Variants in CSMD1 observed in about 807,000 individuals in gnomAD.
CSMD1 encodes the protein CUB and sushi domain-containing protein 1.
In CSMD1, 213 loss-of-function variants were observed where a neutral mutation model predicts 417.5. The ratio of observed to expected loss-of-function variants is 0.51; its 90% CI spans 0.46 to 0.57. CSMD1 has a LOEUF of 0.57. CSMD1 is among the 20% of genes least tolerant of loss of function. The pLI is 0.00. For missense variants in CSMD1, 6,923 were observed against 4,529.7 expected, an observed-to-expected ratio of 1.53 and a Z score of -15.17; for synonymous variants, 2,862 against 1,736.8, an observed-to-expected ratio of 1.65 and a Z score of -16.11.
chr8:4,214,192 C>T (rs548489599), intron 3 of CSMD1, among the ~76,000 whole-genome samples: 21 of 152,108 alleles, frequency 1.4e-4, no homozygotes, highest in Admixed American at 2.6e-4. Flanking sequence ...ACATAGGATA[C>T]GGCTCAATAG....
chr8:2,968,052 T>A (rs1434371075), intron 57 of CSMD1, among the ~76,000 whole-genome samples: 1 of 152,234 alleles, frequency 6.6e-6, no homozygotes, highest in Non-Finnish European at 1.5e-5. Flanking sequence ...GTTTCCTGGT[T>A]GGCATATGAG....
intron 5 of CSMD1, among the ~76,000 whole-genome samples, chr8:3,774,636 G>C (rs1584978703): frequency 6.6e-6 from 1 of 152,022 alleles, no homozygotes; most frequent in African/African-American, 2.4e-5. Flanking sequence ...TATCTTTGTT[G>C]AACTGTGGAC....
intron 26 of CSMD1, among the ~76,000 whole-genome samples, chr8:3,257,210 G>C (rs1307274023): frequency 6.6e-6 from 1 of 152,134 alleles, no homozygotes; most frequent in Non-Finnish European, 1.5e-5. Context: ...TGTAATCCCA[G>C]CTACTCAGGA....
chr8:4,852,034 C>A (rs555792468), intron 1 of CSMD1, among the ~76,000 whole-genome samples: 1 of 152,154 alleles, frequency 6.6e-6, no homozygotes, highest in Admixed American at 6.6e-5. Context: ...ACCTGTAATA[C>A]CTCCTCAGCA....
At chr8:3,894,861 T>G (rs1807248773) in intron 5 of CSMD1, among the ~76,000 whole-genome samples, 1 of 152,206 alleles carries the variant, frequency 6.6e-6, no homozygotes, top group African/African-American at 2.4e-5. Flanking sequence ...AAAGGAACAT[T>G]ATTTTCACAC....
chr8:4,242,228 TAAGAA>T (rs1390831324), intron 3 of CSMD1, among the ~76,000 whole-genome samples: 1 of 152,162 alleles, frequency 6.6e-6, no homozygotes, highest in African/African-American at 2.4e-5. Flanking sequence ...GGAAATTAGA[TAAGAA>T]ATTTGCCAAT....
intron 5 of CSMD1, among the ~76,000 whole-genome samples, chr8:3,849,721 T>G (rs867564129): frequency 1.3e-5 from 2 of 152,186 alleles, no homozygotes; most frequent in South Asian, 4.1e-4. Flanking sequence ...AAACACAGGG[T>G]GTAAACTCAA....
intron 5 of CSMD1, among the ~76,000 whole-genome samples, chr8:3,839,462 ATATATTATATAAT>A (rs1356626328): frequency 8.0e-6 from 1 of 124,456 alleles, no homozygotes; most frequent in African/African-American, 3.1e-5. Context: ...ATAATATATT[ATATATTATATAAT>A]TATATTATAT....
At chr8:4,797,201 C>T (rs146504344) in intron 1 of CSMD1, among the ~76,000 whole-genome samples, 3 of 152,298 alleles carry the variant, frequency 2.0e-5, no homozygotes, top group South Asian at 4.1e-4. Flanking sequence ...GAAGCCCACA[C>T]AGTAAGGACA....
At chr8:3,850,004 G>A (rs1396325520) in intron 5 of CSMD1, among the ~76,000 whole-genome samples, 1 of 91,958 alleles carries the variant, frequency 1.1e-5, no homozygotes, top group Non-Finnish European at 2.0e-5. Context: ...TTAGTTTCAC[G>A]ATGTTGGTCT....
At position 4,326,690 on chromosome 8, in the gene CSMD1, G is replaced by C. The variant is rs535520260; in HGVS notation, c.415+93263C>G. 1.2e-4 allele frequency among the ~76,000 whole-genome samples: 19 copies of C among 152,250 alleles called. 1 individual carries two copies. Among genetic ancestry groups the C allele is most frequent in the African/African-American group, 3.4e-4 (14 of 41,568 alleles). On this transcript the variant is annotated intron_variant, in intron 3 of 69. Coordinates refer to ENST00000635120, the MANE Select transcript of CSMD1 (RefSeq NM_033225.6). ...ACCAAAGGAAAAGGTCTGGACTCAA[G>C]AACATGAAACATTCCGTTTGGGTAA...
intron 52 of CSMD1, among the ~76,000 whole-genome samples, chr8:3,012,224 GTTC>G (rs1296676691): frequency 6.6e-6 from 1 of 152,144 alleles, no homozygotes; most frequent in Admixed American, 6.5e-5. Context: ...TTCTCACAAG[GTTC>G]TTCTTAGAAT....
At chr8:3,380,382 T>C (rs551626825) in intron 18 of CSMD1, among the ~76,000 whole-genome samples, 79 of 152,178 alleles carry the variant, frequency 5.2e-4, no homozygotes, top group Non-Finnish European at 9.8e-4. Context: ...AGAAATCCCA[T>C]TACTGGGTAT....
intron 2 of CSMD1, among the ~76,000 whole-genome samples, chr8:4,507,945 G>C (rs529652029): frequency 6.6e-6 from 1 of 152,078 alleles, no homozygotes; most frequent in South Asian, 2.1e-4. Flanking sequence ...AGTATCAGCA[G>C]GAGGGGACCC....
intron 3 of CSMD1, among the ~76,000 whole-genome samples, chr8:4,106,588 G>T (rs1434905440): frequency 6.6e-6 from 1 of 152,124 alleles, no homozygotes; most frequent in Non-Finnish European, 1.5e-5. Flanking sequence ...AATTAAAGGT[G>T]AATTAATTTT....
At chr8:4,145,311 C>G (rs1347807056) in intron 3 of CSMD1, among the ~76,000 whole-genome samples, 1 of 150,948 alleles carries the variant, frequency 6.6e-6, no homozygotes, top group African/African-American at 2.5e-5. Context: ...CTTTATGGTA[C>G]TCACCATTTT....
At chr8:3,629,944 C>T (rs2406988) in intron 7 of CSMD1, among the ~76,000 whole-genome samples, 58,755 of 152,092 alleles carry the variant, frequency 0.39, 11,764 homozygotes, top group Middle Eastern at 0.55. Flanking sequence ...TTGTTGCCTA[C>T]AGTCTTATTG....
intron 2 of CSMD1, among the ~76,000 whole-genome samples, chr8:4,450,623 C>G (rs1157347005): frequency 6.6e-6 from 1 of 152,078 alleles, no homozygotes; most frequent in Non-Finnish European, 1.5e-5. Context: ...GAGTGACACT[C>G]AGTCTCCAAA....
intron 1 of CSMD1, among the ~76,000 whole-genome samples, chr8:4,718,493 C>T (rs1458874198): frequency 6.6e-6 from 1 of 151,856 alleles, no homozygotes; most frequent in Non-Finnish European, 1.5e-5. Flanking sequence ...AAAAGAATAA[C>T]TAATATTCCC....
Sources: gnomAD v4.1 joint callset for allele counts (sites outside exome capture counted in the v4.1 genomes callset) on GRCh38, gnomAD v4.1.1 for gene constraint, MANE v1.5 for transcripts, NCBI Gene and HGNC (gene_info 2026-07-23, HGNC 2026-07-21) for gene names.